ZNF804B: variants seen among roughly 807,000 people sequenced by gnomAD.
The protein encoded by ZNF804B is zinc finger 804B.
Under a neutral mutation model 101.4 loss-of-function variants are expected in ZNF804B, and 80 were observed. The observed-to-expected ratio is 0.79, with a 90% CI of 0.66 to 0.95. The LOEUF (loss-of-function observed/expected upper bound fraction) is 0.95. Among genes scored for constraint, ZNF804B ranks in the 40% least tolerant of loss-of-function variants. ZNF804B has a pLI of 0.00. For synonymous variants in ZNF804B, 622 were observed against 558.8 expected (o/e 1.11, Z -1.59); for missense variants, 1,673 against 1,561.9 (o/e 1.07, Z -1.20).
chr7:88,961,339 A>G (rs1477980859), intron 1 of ZNF804B, among the ~76,000 whole-genome samples: 2 of 151,210 alleles, frequency 1.3e-5, no homozygotes, highest in African/African-American at 4.8e-5. Context: ...TCATTCACTA[A>G]TCTTTAACGT....
intron 1 of ZNF804B, among the ~76,000 whole-genome samples, chr7:89,069,184 C>G (rs1305014716): frequency 6.6e-6 from 1 of 152,146 alleles, no homozygotes; most frequent in African/African-American, 2.4e-5. Context: ...CTTGTAAGGC[C>G]TACCTGTCAT....
At position 88,796,194 on chromosome 7, in the gene ZNF804B, G is replaced by A. The variant is rs1383214579; in HGVS notation, c.108+36110G>A. ...ATTGCATCCACATGAGTTCTAAACA[G>A]TAATTTTAAAACAAGTTTAAAAAAC... On this transcript the variant is annotated intron_variant, in intron 1 of 3. Coordinates refer to ENST00000333190, the MANE Select transcript of ZNF804B (RefSeq NM_181646.5). 2.6e-5 allele frequency among the ~76,000 whole-genome samples: 4 copies of A among 151,968 alleles called. No individual in the cohort carries two copies. In the South Asian group the frequency reaches 6.2e-4, roughly 24 times the overall value.
intron 1 of ZNF804B, among the ~76,000 whole-genome samples, chr7:88,887,829 C>T (rs1212864026): frequency 1.3e-5 from 2 of 151,650 alleles, no homozygotes; most frequent in Non-Finnish European, 1.5e-5. Flanking sequence ...CGATCCTACC[C>T]AGTCTCCACA....
intron 1 of ZNF804B, among the ~76,000 whole-genome samples, chr7:89,035,063 A>C (rs367668332): frequency 6.6e-6 from 1 of 152,316 alleles, no homozygotes; most frequent in East Asian, 1.9e-4. Flanking sequence ...AAGAAATTAC[A>C]TGTGAATGAG....
chr7:89,073,095 T>A (rs960041627), intron 1 of ZNF804B, among the ~76,000 whole-genome samples: 1 of 152,118 alleles, frequency 6.6e-6, no homozygotes, highest in African/African-American at 2.4e-5. Flanking sequence ...GTAATTTCTG[T>A]CAAAACATGT....
chr7:89,328,839 G>C (rs1790933395), intron 3 of ZNF804B, among the ~76,000 whole-genome samples: 1 of 151,812 alleles, frequency 6.6e-6, no homozygotes, highest in African/African-American at 2.4e-5. Context: ...TTGGTTGTTT[G>C]TTATTATGAA....
intron 1 of ZNF804B, among the ~76,000 whole-genome samples, chr7:89,024,842 T>G (rs1234508059): frequency 1.3e-5 from 2 of 151,832 alleles, no homozygotes; most frequent in Non-Finnish European, 2.9e-5. Flanking sequence ...TTATGGAGAG[T>G]AATCTCTGAG....
At chr7:88,859,786 A>G (rs180787167) in intron 1 of ZNF804B, among the ~76,000 whole-genome samples, 77 of 152,060 alleles carry the variant, frequency 5.1e-4, no homozygotes, top group African/African-American at 1.7e-3. Flanking sequence ...ACTAATATCT[A>G]TTGTTTAAGC....
intron 1 of ZNF804B, among the ~76,000 whole-genome samples, chr7:89,191,623 A>G (rs1788456110): frequency 6.6e-6 from 1 of 152,120 alleles, no homozygotes; most frequent in African/African-American, 2.4e-5. Flanking sequence ...CAATATTTTA[A>G]TCTCTCTGTA....
At chr7:89,142,285 T>C (rs1790729114) in intron 1 of ZNF804B, among the ~76,000 whole-genome samples, 1 of 150,394 alleles carries the variant, frequency 6.6e-6, no homozygotes, top group African/African-American at 2.5e-5. Flanking sequence ...TTTTTTGTTG[T>C]TTTTTGTTTT....
intron 1 of ZNF804B, among the ~76,000 whole-genome samples, chr7:89,171,356 TTCCTCCTCTTCC>T (rs1791229343): frequency 3.2e-4 from 32 of 99,226 alleles, no homozygotes; most frequent in Non-Finnish European, 4.0e-4. Flanking sequence ...CTTCTTCTTC[TTCCTCCTCTTCC>T]TCTTCTTCCT....
At chr7:89,169,318 C>T (rs150626707) in intron 1 of ZNF804B, among the ~76,000 whole-genome samples, 238 of 152,242 alleles carry the variant, frequency 1.6e-3, no homozygotes, top group African/African-American at 5.3e-3. Context: ...TTGCCACTCG[C>T]GGCTCGAATG....
chr7:89,171,970 T>G (rs11977548), intron 1 of ZNF804B, among the ~76,000 whole-genome samples: 109,719 of 151,606 alleles, frequency 0.72, 41,080 homozygotes, highest in African/African-American at 0.92. Flanking sequence ...CTATTTGAAA[T>G]ATAGTCCCTG....
chr7:88,971,341 A>G (rs1259089455), intron 1 of ZNF804B, among the ~76,000 whole-genome samples: 1 of 151,672 alleles, frequency 6.6e-6, no homozygotes, highest in Non-Finnish European at 1.5e-5. Context: ...TTCTTTTGCC[A>G]GGCAATAAGA....
intron 1 of ZNF804B, among the ~76,000 whole-genome samples, chr7:88,831,386 A>G (rs1275802569): frequency 1.3e-5 from 2 of 151,948 alleles, no homozygotes; most frequent in Admixed American, 6.6e-5. Context: ...TGCCATATTT[A>G]TTTAAGCCAT....
intron 1 of ZNF804B, among the ~76,000 whole-genome samples, chr7:89,061,144 T>C (rs1011163772): frequency 1.3e-5 from 2 of 152,178 alleles, no homozygotes; most frequent in African/African-American, 4.8e-5. Flanking sequence ...TGAATGTTTA[T>C]GCTTGCAAAA....
At chr7:89,143,883 T>C (rs1448321325) in intron 1 of ZNF804B, among the ~76,000 whole-genome samples, 1 of 152,136 alleles carries the variant, frequency 6.6e-6, no homozygotes, top group East Asian at 1.9e-4. Flanking sequence ...TTGTATCACA[T>C]TCTCTTCCCA....
chr7:89,332,471 C>G (rs996952891), intron 3 of ZNF804B, among the ~76,000 whole-genome samples: 1 of 151,722 alleles, frequency 6.6e-6, no homozygotes, highest in African/African-American at 2.4e-5. Context: ...AATGCCAGTT[C>G]AAAGCAAACA....
intron 1 of ZNF804B, among the ~76,000 whole-genome samples, chr7:89,032,057 T>C (rs945224873): frequency 6.6e-6 from 1 of 152,138 alleles, no homozygotes; most frequent in Non-Finnish European, 1.5e-5. Context: ...TTTTGGAGAA[T>C]AAATGATATA....
Sources: allele counts gnomAD v4.1 joint callset (sites outside exome capture counted in the v4.1 genomes callset), GRCh38; gene constraint gnomAD v4.1.1; transcripts MANE v1.5; gene names NCBI Gene and HGNC (gene_info 2026-07-23, HGNC 2026-07-21).